ALMS1: variants seen among roughly 807,000 people sequenced by gnomAD.
The protein encoded by ALMS1 is ALMS1 centrosome and basal body associated protein, also known as centrosome-associated protein ALMS1.
Under a neutral mutation model 352.2 loss-of-function variants are expected in ALMS1, and 271 were observed. The ratio of observed to expected loss-of-function variants is 0.77; its 90% confidence interval spans 0.70 to 0.85. The LOEUF (loss-of-function observed/expected upper bound fraction) is 0.85. Among genes scored for constraint, ALMS1 ranks in the 40% least tolerant of loss-of-function variants. ALMS1 has a pLI of 0.00. For synonymous variants in ALMS1, 1,865 were observed against 1,761.2 expected (o/e 1.06, Z -1.48); for missense variants, 5,445 against 4,870.7 (o/e 1.12, Z -3.51).
intron 1 of ALMS1, among the ~76,000 whole-genome samples, chr2:73,391,291 A>ATTTTTTTTTT (rs1670639813): frequency 1.0e-5 from 1 of 96,776 alleles, no homozygotes; most frequent in African/African-American, 7.6e-5. Flanking sequence ...TATACGTTTT[A>ATTTTTTTTTT]TTCTTTTTTT....
rs1675483790 is a variant in ALMS1, at chr2:73,593,804, G to C, written c.11548-5597G>C. 2.0e-5 allele frequency among the ~76,000 whole-genome samples: 3 copies of C among 152,158 alleles called. No homozygotes were observed. In the South Asian group the frequency reaches 6.2e-4, roughly 32 times the overall value. Reference sequence around the variant, plus strand: ...CCACTAATGACTTTCTGTTTCTATGGATTTGCCTATTCTGGACCTTTCATA... The same window carrying C: ...CCACTAATGACTTTCTGTTTCTATGCATTTGCCTATTCTGGACCTTTCATA... On this transcript the variant is annotated intron_variant, in intron 16 of 22. Transcript: ENST00000613296.
intron 2 of ALMS1, among the ~76,000 whole-genome samples, chr2:73,410,421 A>C (rs1671053082): frequency 6.6e-6 from 1 of 151,952 alleles, no homozygotes; most frequent in Non-Finnish European, 1.5e-5. Flanking sequence ...AAAACAAAAC[A>C]AAAAATACCA....
intron 5 of ALMS1, among the ~76,000 whole-genome samples, chr2:73,425,416 A>G (rs371549751): frequency 1.3e-5 from 2 of 152,178 alleles, no homozygotes; most frequent in Non-Finnish European, 2.9e-5. Context: ...TCAGAAGCAC[A>G]TGTACTCTCC....
intron 15 of ALMS1, among the ~76,000 whole-genome samples, chr2:73,567,690 A>T (rs1015180379): frequency 2.6e-5 from 4 of 152,200 alleles, no homozygotes; most frequent in African/African-American, 9.6e-5. Context: ...CTAGCCATTT[A>T]GAGTATCGTG....
intron 16 of ALMS1, among the ~76,000 whole-genome samples, chr2:73,576,964 G>A (rs1448512572): frequency 1.3e-5 from 2 of 151,916 alleles, no homozygotes; most frequent in African/African-American, 4.8e-5. Context: ...TATATTTATT[G>A]ATAATCATAT....
Position 73,573,032 on chromosome 2 carries a change from T to C in ALMS1, c.11155T>C (p.Tyr3719His). 8 of 1,614,038 alleles carry C rather than the reference T, an allele frequency of 5.0e-6. No homozygotes were observed. Among genetic ancestry groups the C allele is most frequent in the Non-Finnish European group, 6.8e-6 (8 of 1,179,984 alleles). The part of the protein sequence containing the change: ...IKIEQIKFDK[Y>H]ILSKQPGFNY... Reference sequence around the variant, plus strand: ...AATTGAACAGATTAAATTTGATAAATATATTCTGAGTAAACAGCCAGGTTT... The same window carrying C: ...AATTGAACAGATTAAATTTGATAAACATATTCTGAGTAAACAGCCAGGTTT... The change falls in exon 16 of 23, where the codon TAT becomes CAT. Residue 3719 changes from tyrosine to histidine, a missense_variant. Physicochemically the swap from Tyr to His is moderately conservative, Grantham distance 83. Coordinates refer to ENST00000613296, the MANE Select transcript of ALMS1 (RefSeq NM_001378454.1).
At chr2:73,426,015 C>G (rs548769432) in intron 5 of ALMS1, among the ~76,000 whole-genome samples, 34 of 152,256 alleles carry the variant, frequency 2.2e-4, no homozygotes, top group African/African-American at 7.2e-4. Flanking sequence ...GTGATATAGG[C>G]AATGAACCAT....
Position 73,450,881 on chromosome 2 carries a change from G to A in ALMS1, c.4354G>A (p.Ala1452Thr), listed in dbSNP as rs749337113. 1.4e-5 allele frequency: 22 copies of A among 1,614,076 alleles called. No homozygotes were observed. The highest frequency in any genetic ancestry group is 1.9e-5 in the Non-Finnish European group (22 of 1,179,992). Residue 1452 changes from alanine to threonine, a missense_variant, in exon 8 of 23, where the codon GCT becomes ACT. Physicochemically the swap from Ala to Thr is moderately conservative, Grantham distance 58. Coordinates refer to ENST00000613296, the MANE Select transcript of ALMS1 (RefSeq NM_001378454.1). Reference protein sequence around the residue: ...VLPHSHLPEEALEVSVAPGPV... With the variant: ...VLPHSHLPEETLEVSVAPGPV... The stretch of plus-strand genomic sequence containing the variant: ...GCCACATAGTCATCTACCTGAAGAG[G>A]CTTTGGAAGTTTCAGTTGCTCCTGG...
chr2:73,573,087 G>C lies in ALMS1; in HGVS notation c.11210G>C (p.Cys3737Ser). 6.2e-7 allele frequency: 1 copy of C among 1,614,042 alleles called. No individual in the cohort carries two copies. Among genetic ancestry groups the C allele is most frequent in the African/African-American group, 1.3e-5 (1 of 75,022 alleles). ...TATATAAGCAACACTTCTTCGGATT[G>C]TCGGCCCTCAGAGGAGAGTGAGCTG... ...FNYISNTSSD[C>S]RPSEESELLT... Residue 3737 changes from cysteine (C) to serine (S), a missense_variant, in exon 16 of 23, where the codon TGT becomes TCT. Transcript: ENST00000613296.
intron 15 of ALMS1, among the ~76,000 whole-genome samples, chr2:73,566,438 G>A (rs1057199254): frequency 6.6e-6 from 1 of 152,206 alleles, no homozygotes; most frequent in Non-Finnish European, 1.5e-5. Context: ...CTGGATAAAG[G>A]GAGGATTCAC....
chr2:73,550,684 C>T (rs1674411499), intron 13 of ALMS1, among the ~76,000 whole-genome samples: 2 of 152,032 alleles, frequency 1.3e-5, no homozygotes, highest in African/African-American at 4.8e-5. Context: ...TATGATACAA[C>T]TTTTGAAATG....
At chr2:73,479,854 C>T (rs890352710) in intron 9 of ALMS1, among the ~76,000 whole-genome samples, 4 of 152,056 alleles carry the variant, frequency 2.6e-5, no homozygotes, top group African/African-American at 9.7e-5. Context: ...GTGAGTAATC[C>T]GTCTACTCCA....
intron 10 of ALMS1, 146 bp downstream of exon 10, chr2:73,491,644 A>C (rs1470933890): frequency 9.1e-6 from 8 of 877,894 alleles, no homozygotes; most frequent in Non-Finnish European, 1.5e-5. Flanking sequence ...GAAGTCTTTC[A>C]AGGAATAAAT....
chr2:73,524,320 G>A (rs1226321769), intron 11 of ALMS1, among the ~76,000 whole-genome samples: 3 of 151,964 alleles, frequency 2.0e-5, no homozygotes, highest in Non-Finnish European at 4.4e-5. Context: ...ATATTTATGA[G>A]GTACATGAGC....
At chr2:73,517,911 G>A (rs1673593786) in intron 10 of ALMS1, among the ~76,000 whole-genome samples, 1 of 152,054 alleles carries the variant, frequency 6.6e-6, no homozygotes, top group Non-Finnish European at 1.5e-5. Context: ...ACCCACCTCA[G>A]CCTCCCAAAA....
At chr2:73,602,392 C>T (rs1675718633) in intron 20 of ALMS1, 24 bp downstream of exon 20, 1 of 1,613,678 alleles carries the variant, frequency 6.2e-7, no homozygotes, top group South Asian at 1.1e-5. Flanking sequence ...GTTCACTTTC[C>T]TGTGAGTGGA....
chr2:73,496,856 G>C (rs1027885773), intron 10 of ALMS1, among the ~76,000 whole-genome samples: 7 of 152,134 alleles, frequency 4.6e-5, no homozygotes, highest in Admixed American at 1.3e-4. Flanking sequence ...CGTTTCAAGA[G>C]CTTATTTGCC....
chr2:73,509,879 GT>G (rs1391181623), intron 10 of ALMS1, among the ~76,000 whole-genome samples: 18 of 152,146 alleles, frequency 1.2e-4, no homozygotes, highest in Non-Finnish European at 5.9e-5. Context: ...CATTCTCCCT[GT>G]CACTTTCAGG....
chr2:73,557,164 G>C, intron 13 of ALMS1, 56 bp from the exon 14 acceptor site: 1 of 1,610,356 alleles, frequency 6.2e-7, no homozygotes, highest in Non-Finnish European at 8.5e-7. Flanking sequence ...AGGATTACTT[G>C]TCTGTTGTGT....
Sources: gnomAD v4.1 joint callset for allele counts (sites outside exome capture counted in the v4.1 genomes callset) on GRCh38, gnomAD v4.1.1 for gene constraint, MANE v1.5 for transcripts, NCBI Gene and HGNC (gene_info 2026-07-23, HGNC 2026-07-21) for gene names.